The following PCDH15 variants were observed in gnomAD, a reference collection of about 807,000 sequenced individuals.
PCDH15 encodes protocadherin related 15, also known as protocadherin-15.
PCDH15 carries 129 observed loss-of-function variants against 178.5 expected under a neutral mutation model. The ratio of observed to expected loss-of-function variants is 0.72; its 90% CI spans 0.63 to 0.84. The LOEUF is 0.84. Ranked by LOEUF, PCDH15 falls within the 40% of genes least tolerant of loss-of-function variation. The pLI is 0.00. For synonymous variants in PCDH15, 800 were observed against 732.0 expected, an observed-to-expected ratio of 1.09 and a Z score of -1.50; for missense variants, 2,230 against 2,099.9, an observed-to-expected ratio of 1.06 and a Z score of -1.21.
intron 16 of PCDH15, among the ~76,000 whole-genome samples, chr10:54,089,607 G>A (rs1256846656): frequency 6.6e-6 from 1 of 152,050 alleles, no homozygotes; most frequent in African/African-American, 2.4e-5. Context: ...GAAATTGAAG[G>A]ATGTGTTTGT....
intron 2 of PCDH15, among the ~76,000 whole-genome samples, chr10:55,572,409 T>C (rs993716449): frequency 6.6e-6 from 1 of 151,158 alleles, no homozygotes; most frequent in Non-Finnish European, 1.5e-5. Context: ...TTATGCAATA[T>C]AAACCACCTA....
At chr10:54,429,341 C>CA (rs1359097730) in intron 3 of PCDH15, among the ~76,000 whole-genome samples, 2 of 151,284 alleles carry the variant, frequency 1.3e-5, no homozygotes, top group African/African-American at 2.4e-5. Context: ...AGCAGATACA[C>CA]AAAAAAAGGA....
chr10:54,472,545 T>G (rs757530339), intron 3 of PCDH15, among the ~76,000 whole-genome samples: 1 of 152,196 alleles, frequency 6.6e-6, no homozygotes, highest in Non-Finnish European at 1.5e-5. Flanking sequence ...TAATAAATAA[T>G]GATTGTTATC....
chr10:54,054,759 T>C (rs1400537573), intron 18 of PCDH15, among the ~76,000 whole-genome samples: 3 of 152,158 alleles, frequency 2.0e-5, no homozygotes, highest in South Asian at 2.1e-4. Context: ...TAGATTTCTA[T>C]TGTAAATATT....
intron 7 of PCDH15, among the ~76,000 whole-genome samples, chr10:54,329,322 T>G (rs566801293): frequency 6.6e-6 from 1 of 151,958 alleles, no homozygotes; most frequent in Non-Finnish European, 1.5e-5. Context: ...ATTTGCAGGA[T>G]CCTACTTTGA....
intron 5 of PCDH15, among the ~76,000 whole-genome samples, chr10:54,354,781 A>G (rs1944706564): frequency 6.6e-6 from 1 of 152,204 alleles, no homozygotes; most frequent in Non-Finnish European, 1.5e-5. Flanking sequence ...TGTCAGTGTT[A>G]TGCTTCTCAT....
At chr10:54,134,760 GAA>G (rs149941796) in intron 14 of PCDH15, among the ~76,000 whole-genome samples, 2,258 of 90,970 alleles carry the variant, frequency 0.025, 72 homozygotes, top group African/African-American at 0.086. Context: ...CTCAAAAAAA[GAA>G]AAAAAAAAAA....
chr10:55,032,083 T>C (rs1417265049), intron 2 of PCDH15, among the ~76,000 whole-genome samples: 1 of 152,132 alleles, frequency 6.6e-6, no homozygotes, highest in African/African-American at 2.4e-5. Context: ...TACCAAGGGC[T>C]CAGAAGAGGA....
chr10:53,867,775 A>G (rs897203252), intron 26 of PCDH15, among the ~76,000 whole-genome samples: 2 of 152,100 alleles, frequency 1.3e-5, no homozygotes, highest in Non-Finnish European at 2.9e-5. Context: ...AAATAAAATA[A>G]AGTTGAGTTA....
At chr10:55,371,558 G>C (rs1350809601) in intron 2 of PCDH15, among the ~76,000 whole-genome samples, 1 of 152,210 alleles carries the variant, frequency 6.6e-6, no homozygotes, top group East Asian at 1.9e-4. Flanking sequence ...TACTGAATGA[G>C]TGCTCAAAAG....
chr10:54,076,340 GTGTA>G (rs2094341804), intron 17 of PCDH15, among the ~76,000 whole-genome samples: 1 of 152,050 alleles, frequency 6.6e-6, no homozygotes, highest in South Asian at 2.1e-4. Flanking sequence ...TCCAACATTT[GTGTA>G]TGTGTGTGCA....
chr10:54,504,988 A>T (rs1193739839), intron 3 of PCDH15, among the ~76,000 whole-genome samples: 1 of 152,114 alleles, frequency 6.6e-6, no homozygotes, highest in Non-Finnish European at 1.5e-5. Flanking sequence ...TTGGAAATTT[A>T]AAAAATGCCA....
intron 1 of PCDH15, among the ~76,000 whole-genome samples, chr10:54,688,918 T>G (rs1248267929): frequency 2.0e-5 from 3 of 152,138 alleles, no homozygotes. Flanking sequence ...AATGCTTGTG[T>G]TGAGAACATT....
At chr10:54,447,512 C>T (rs1296131659) in intron 3 of PCDH15, among the ~76,000 whole-genome samples, 3 of 151,612 alleles carry the variant, frequency 2.0e-5, no homozygotes, top group Non-Finnish European at 4.4e-5. Context: ...TGGCTTATTT[C>T]ACTTGACATA....
chr10:54,687,597 C>G (rs1555149756), intron 1 of PCDH15, among the ~76,000 whole-genome samples: 1 of 152,096 alleles, frequency 6.6e-6, no homozygotes, highest in Non-Finnish European at 1.5e-5. Context: ...CCTGTTAAGT[C>G]AGCTTAGGAA....
intron 1 of PCDH15, among the ~76,000 whole-genome samples, chr10:55,282,645 A>G (rs1265824270): frequency 1.3e-5 from 2 of 152,188 alleles, no homozygotes; most frequent in African/African-American, 4.8e-5. Flanking sequence ...TTATTTACAA[A>G]TATAATTTTT....
intron 2 of PCDH15, among the ~76,000 whole-genome samples, chr10:54,570,526 C>A (rs539096399): frequency 1.3e-4 from 20 of 152,156 alleles, no homozygotes; most frequent in Admixed American, 1.1e-3. Context: ...TAAACTATTT[C>A]TTGTGGGATT....
At chr10:55,277,869 T>C (rs1842634531) in intron 1 of PCDH15, among the ~76,000 whole-genome samples, 1 of 152,102 alleles carries the variant, frequency 6.6e-6, no homozygotes, top group South Asian at 2.1e-4. Flanking sequence ...ACATTTTAAA[T>C]AGAGAAAACA....
intron 2 of PCDH15, among the ~76,000 whole-genome samples, chr10:55,531,707 A>G (rs556589716): frequency 6.6e-6 from 1 of 152,162 alleles, no homozygotes; most frequent in Admixed American, 6.6e-5. Context: ...GTAATTGAAT[A>G]ACAGATGTTG....
Sources: gnomAD v4.1 joint callset for allele counts (sites outside exome capture counted in the v4.1 genomes callset) on GRCh38, gnomAD v4.1.1 for gene constraint, MANE v1.5 for transcripts, NCBI Gene and HGNC (gene_info 2026-07-23, HGNC 2026-07-21) for gene names.